TUSC3: variants seen among roughly 807,000 people sequenced by gnomAD.
The protein encoded by TUSC3 is dolichyl-diphosphooligosaccharide--protein glycosyltransferase subunit TUSC3.
Under a neutral mutation model 44.8 loss-of-function variants are expected in TUSC3, and 45 were observed. The observed-to-expected ratio is 1.00, with a 90% CI of 0.79 to 1.29. The LOEUF is 1.29. TUSC3 is among the 50% of genes most tolerant of loss of function. The pLI is 0.00. For missense variants in TUSC3, 519 were observed against 437.9 expected, an observed-to-expected ratio of 1.19 and a Z score of -1.65; for synonymous variants, 212 against 152.9, an observed-to-expected ratio of 1.39 and a Z score of -2.85.
intron 6 of TUSC3, among the ~76,000 whole-genome samples, chr8:15,710,406 A>G (rs1809793863): frequency 6.6e-6 from 1 of 151,804 alleles, no homozygotes; most frequent in African/African-American, 2.4e-5. Flanking sequence ...TTAAGCCTAG[A>G]TGAAATAAAG....
chr8:15,799,084 A>G, the TUSC3 span, among the ~76,000 whole-genome samples: 1 of 152,184 alleles, frequency 6.6e-6, no homozygotes, highest in African/African-American at 2.4e-5. Context: ...GCTCCCTTAT[A>G]GCAGCCAGGA....
chr8:15,486,901 G>A (rs1800739441), intron 2 of TUSC3, among the ~76,000 whole-genome samples: 1 of 152,118 alleles, frequency 6.6e-6, no homozygotes, highest in Non-Finnish European at 1.5e-5. Context: ...TATATCCAGG[G>A]ACTGTATTTA....
intron 1 of TUSC3, among the ~76,000 whole-genome samples, chr8:15,478,927 A>G (rs1479648787): frequency 6.6e-6 from 1 of 152,146 alleles, no homozygotes; most frequent in Non-Finnish European, 1.5e-5. Context: ...ATTTCTCCAC[A>G]GCCTCGCCAG....
intron 1 of TUSC3, among the ~76,000 whole-genome samples, chr8:15,579,214 T>C (rs1320685129): frequency 6.9e-6 from 1 of 145,958 alleles, no homozygotes; most frequent in Non-Finnish European, 1.5e-5. Context: ...TCTTTTTTTC[T>C]TTATTAGTCT....
At chr8:15,688,876 AT>A (rs1808762917) in intron 6 of TUSC3, 1 of 162,696 alleles carries the variant, frequency 6.1e-6, no homozygotes, top group Non-Finnish European at 1.4e-5. Context: ...TAGGATTAAG[AT>A]ACTGCAGATG....
intron 2 of TUSC3, among the ~76,000 whole-genome samples, chr8:15,638,319 C>A (rs1243177377): frequency 6.6e-6 from 1 of 151,936 alleles, no homozygotes; most frequent in Non-Finnish European, 1.5e-5. Context: ...CTTTTTATCC[C>A]AGTTACTGTA....
At chr8:15,508,540 C>G (rs542042436) in intron 2 of TUSC3, among the ~76,000 whole-genome samples, 1 of 130,084 alleles carries the variant, frequency 7.7e-6, no homozygotes, top group African/African-American at 2.9e-5. Context: ...CGGCTCAGTG[C>G]AAGCTCCGCC....
intron 5 of TUSC3, among the ~76,000 whole-genome samples, chr8:15,671,336 T>G (rs1429341457): frequency 6.6e-6 from 1 of 151,958 alleles, no homozygotes; most frequent in Non-Finnish European, 1.5e-5. Flanking sequence ...TAAAAATATT[T>G]TAGTCAAATT....
chr8:15,539,019 A>T (rs911641307), upstream of TUSC3, among the ~76,000 whole-genome samples: 2 of 143,200 alleles, frequency 1.4e-5, no homozygotes, highest in Non-Finnish European at 3.1e-5. Flanking sequence ...CCAGCTGTTA[A>T]TTTTTTTTTT....
chr8:15,433,855 G>T (rs981733949), intron 1 of TUSC3, among the ~76,000 whole-genome samples: 1 of 151,974 alleles, frequency 6.6e-6, no homozygotes, highest in Non-Finnish European at 1.5e-5. Context: ...TTCCAGTTGG[G>T]GGTCATTATT....
the TUSC3 span, among the ~76,000 whole-genome samples, chr8:15,837,706 G>A: frequency 2.0e-5 from 3 of 152,116 alleles, no homozygotes; most frequent in Non-Finnish European, 4.4e-5. Flanking sequence ...TCTAGCTTCA[G>A]AGTCAAATTG....
intron 1 of TUSC3, among the ~76,000 whole-genome samples, chr8:15,604,115 A>ATT (rs1311979678): frequency 6.6e-6 from 1 of 151,774 alleles, no homozygotes; most frequent in Non-Finnish European, 1.5e-5. Context: ...TTTCTAAAAC[A>ATT]AAAGTTTGAA....
chr8:15,766,849 C>G (rs1399437229), downstream of TUSC3, among the ~76,000 whole-genome samples: 1 of 152,044 alleles, frequency 6.6e-6, no homozygotes, highest in Admixed American at 6.6e-5. Context: ...TAAGGCATGA[C>G]AAATTACTTT....
At chr8:15,756,935 G>T (rs1348814202) in intron 9 of TUSC3, among the ~76,000 whole-genome samples, 1 of 152,158 alleles carries the variant, frequency 6.6e-6, no homozygotes, top group African/African-American at 2.4e-5. Context: ...CTGAGGCCAA[G>T]AATTTGAGAC....
At chr8:15,513,091 C>T (rs1394694439) in intron 2 of TUSC3, among the ~76,000 whole-genome samples, 6 of 150,686 alleles carry the variant, frequency 4.0e-5, no homozygotes, top group African/African-American at 1.2e-4. Flanking sequence ...AATTATTACT[C>T]GAAAAATTAA....
At chr8:15,844,097 C>T in the TUSC3 span, among the ~76,000 whole-genome samples, 4 of 152,086 alleles carry the variant, frequency 2.6e-5, no homozygotes, top group Non-Finnish European at 5.9e-5. Context: ...ATGGTCCTGT[C>T]CCCTTGTTTC....
At chr8:15,435,856 C>G (rs1799939276) in intron 1 of TUSC3, among the ~76,000 whole-genome samples, 1 of 152,082 alleles carries the variant, frequency 6.6e-6, no homozygotes, top group Non-Finnish European at 1.5e-5. Context: ...AATGTATTTT[C>G]TATCTTTGTA....
At chr8:15,462,034 T>TTCTGTGA (rs1391622712) in intron 1 of TUSC3, among the ~76,000 whole-genome samples, 1 of 152,052 alleles carries the variant, frequency 6.6e-6, no homozygotes, top group East Asian at 1.9e-4. Flanking sequence ...GAGCAAGTCA[T>TTCTGTGA]AAGACCCCTG....
chr8:15,518,835 C>T (rs548598724), intron 2 of TUSC3, among the ~76,000 whole-genome samples: 1 of 152,048 alleles, frequency 6.6e-6, no homozygotes, highest in Non-Finnish European at 1.5e-5. Flanking sequence ...GCTCAAATTC[C>T]CATCTAAATA....
Sources: allele counts gnomAD v4.1 joint callset (sites outside exome capture counted in the v4.1 genomes callset), GRCh38; gene constraint gnomAD v4.1.1; transcripts MANE v1.5; gene names NCBI Gene and HGNC (gene_info 2026-07-23, HGNC 2026-07-21).